Variants in KRCC1 observed in about 807,000 individuals in gnomAD.
KRCC1 encodes lysine rich coiled-coil 1, also known as lysine-rich coiled-coil protein 1.
A neutral mutation model predicts 7.4 loss-of-function variants in KRCC1; 3 were observed. The ratio of observed to expected loss-of-function variants is 0.40; its 90% CI spans 0.18 to 1.04. KRCC1 has a LOEUF of 1.04. Ranked by LOEUF, KRCC1 falls within the 50% of genes least tolerant of loss-of-function variation. The probability of loss-of-function intolerance (pLI) is 0.33; values close to 1 mark genes in which losing one functional copy is unlikely to be tolerated. For missense variants in KRCC1, 277 were observed against 300.9 expected, an observed-to-expected ratio of 0.92 and a Z score of 0.59; for synonymous variants, 102 against 101.6, an observed-to-expected ratio of 1.00 and a Z score of -0.02.
At chr2:88,044,857 T>G (rs1000268008) in intron 1 of KRCC1, among the ~76,000 whole-genome samples, 62 of 142,778 alleles carry the variant, frequency 4.3e-4, no homozygotes, top group Admixed American at 4.7e-4. Context: ...ACAAAGGAGT[T>G]TGATAATTTT....
chr2:88,054,299 G>T (rs1269480461), intron 1 of KRCC1, among the ~76,000 whole-genome samples: 3 of 152,158 alleles, frequency 2.0e-5, no homozygotes, highest in East Asian at 3.8e-4. Context: ...GGAAAAGCCA[G>T]GCTGTCAAAA....
At chr2:88,045,247 A>G (rs770396796) in intron 1 of KRCC1, among the ~76,000 whole-genome samples, 2 of 152,208 alleles carry the variant, frequency 1.3e-5, no homozygotes, top group Non-Finnish European at 2.9e-5. Context: ...TGTATTTGAC[A>G]TGAAAACATA....
chr2:88,041,201 A>G (rs934894207), intron 1 of KRCC1, among the ~76,000 whole-genome samples: 15 of 152,228 alleles, frequency 9.9e-5, no homozygotes, highest in African/African-American at 3.6e-4. Context: ...TAAAGGTGGA[A>G]TCAAAGGAAT....
At chr2:88,039,337 G>A (rs1157484721) in intron 1 of KRCC1, among the ~76,000 whole-genome samples, 1 of 152,090 alleles carries the variant, frequency 6.6e-6, no homozygotes, top group African/African-American at 2.4e-5. Flanking sequence ...AAAATATTAT[G>A]TGCTCAAGAT....
At chr2:88,039,342 C>T (rs1418755986) in intron 1 of KRCC1, among the ~76,000 whole-genome samples, 3 of 152,040 alleles carry the variant, frequency 2.0e-5, no homozygotes, top group African/African-American at 4.8e-5. Flanking sequence ...ATTATGTGCT[C>T]AAGATAATTA....
rs75456373 is a variant in KRCC1, at chr2:88,028,243, C to A, written c.321G>T (p.Thr107=). ...RLDSLSYCQF[T]RDCFSEKPVP... Reference sequence around the variant, plus strand: ...CTGGTTTTTCTGAGAAACAGTCCCTCGTGAACTGACAGTAGCTCAGAGAGT... The same window carrying A: ...CTGGTTTTTCTGAGAAACAGTCCCTAGTGAACTGACAGTAGCTCAGAGAGT... Residue 107 remains threonine (T), a synonymous_variant, in exon 4 of 4, where the codon ACG becomes ACT. Coordinates refer to ENST00000347055, the MANE Select transcript of KRCC1 (RefSeq NM_016618.3). 7.4e-6 allele frequency: 12 copies of A among 1,614,060 alleles called. No homozygotes were observed. The South Asian group carries it at 1.2e-4, about 16-fold the overall frequency.
intron 2 of KRCC1, among the ~76,000 whole-genome samples, chr2:88,035,057 A>G (rs769626082): frequency 1.3e-5 from 2 of 152,226 alleles, no homozygotes; most frequent in Non-Finnish European, 2.9e-5. Flanking sequence ...AAAGAACTAT[A>G]AATTGAAAAA....
intron 3 of KRCC1, among the ~76,000 whole-genome samples, chr2:88,033,092 G>A (rs975392765): frequency 2.7e-4 from 41 of 152,228 alleles, no homozygotes; most frequent in African/African-American, 8.2e-4. Context: ...TTTTTTGGGC[G>A]GTGATGGGTA....
intron 1 of KRCC1, among the ~76,000 whole-genome samples, chr2:88,055,023 G>C (rs568493835): frequency 6.6e-6 from 1 of 152,096 alleles, no homozygotes; most frequent in South Asian, 2.1e-4. Context: ...ATCAAGACGG[G>C]CCTATAAATC....
chr2:88,052,480 AT>A (rs1673513380), intron 1 of KRCC1, among the ~76,000 whole-genome samples: 1 of 152,180 alleles, frequency 6.6e-6, no homozygotes, highest in Non-Finnish European at 1.5e-5. Context: ...AAAGATAAAA[AT>A]TTCTTGAGGT....
At chr2:88,036,657 CATA>C (rs1673096711) in intron 2 of KRCC1, among the ~76,000 whole-genome samples, 1 of 152,110 alleles carries the variant, frequency 6.6e-6, no homozygotes, top group African/African-American at 2.4e-5. Flanking sequence ...GCTCAAGCTT[CATA>C]ATATCTTCCT....
rs1672930668 is a variant in KRCC1 at position 88,028,642 on chromosome 2, CTCT to C, written c.-22-60_-22-58del. On this transcript the variant is annotated intron_variant, in intron 3 of 3. Coordinates refer to ENST00000347055, the MANE Select transcript of KRCC1 (RefSeq NM_016618.3). ...CATCTTGTCCTGAGCATTTCCTTTG[CTCT>C]TTTTTTTTTTTTTTTTTTTCTTGAG... 32 of 682,074 alleles carry C rather than the reference CTCT, an allele frequency of 4.7e-5. No homozygotes were observed. In the East Asian group the frequency reaches 5.0e-4, roughly 11 times the overall value. 42.3% of individuals were successfully genotyped at this position (682,074 alleles called of 1,614,324 possible). A position where few individuals can be genotyped will look rare whatever the true frequency, so the allele number is the denominator to read the frequency against.
At chr2:88,030,743 G>A (rs1293410997) in intron 3 of KRCC1, among the ~76,000 whole-genome samples, 3 of 152,188 alleles carry the variant, frequency 2.0e-5, no homozygotes, top group Admixed American at 6.5e-5. Flanking sequence ...AGTTTCTTAA[G>A]AAGTTAAACA....
intron 3 of KRCC1, among the ~76,000 whole-genome samples, chr2:88,029,674 A>G (rs1672955082): frequency 6.6e-6 from 1 of 152,012 alleles, no homozygotes; most frequent in Non-Finnish European, 1.5e-5. Context: ...GAAGAGTTTC[A>G]GAAGAAACTT....
chr2:88,037,842 C>T (rs766899962), intron 1 of KRCC1, among the ~76,000 whole-genome samples: 4 of 152,206 alleles, frequency 2.6e-5, no homozygotes, highest in Non-Finnish European at 5.9e-5. Context: ...GCTTCTACAA[C>T]TTTTGCTGAA....
intron 3 of KRCC1, among the ~76,000 whole-genome samples, chr2:88,031,225 A>T (rs1672984834): frequency 2.0e-5 from 3 of 152,038 alleles, no homozygotes; most frequent in African/African-American, 7.2e-5. Flanking sequence ...GTGGGACAAG[A>T]TGTGGAGGGA....
At chr2:88,047,982 T>G (rs959437025) in intron 1 of KRCC1, among the ~76,000 whole-genome samples, 2 of 152,226 alleles carry the variant, frequency 1.3e-5, no homozygotes, top group African/African-American at 4.8e-5. Flanking sequence ...GACATGGTCC[T>G]AGACTTTTCA....
At chr2:88,048,151 C>T (rs932364474) in intron 1 of KRCC1, among the ~76,000 whole-genome samples, 1 of 149,266 alleles carries the variant, frequency 6.7e-6, no homozygotes, top group Non-Finnish European at 1.5e-5. Context: ...GGTGGGATCT[C>T]GGCTCACAGC....
At chr2:88,041,058 A>T (rs1243705236) in intron 1 of KRCC1, among the ~76,000 whole-genome samples, 1 of 152,252 alleles carries the variant, frequency 6.6e-6, no homozygotes, top group African/African-American at 2.4e-5. Flanking sequence ...TTAATTCTGC[A>T]GTCAATAGGG....
Sources: allele counts gnomAD v4.1 joint callset (sites outside exome capture counted in the v4.1 genomes callset), GRCh38; gene constraint gnomAD v4.1.1; transcripts MANE v1.5; gene names NCBI Gene and HGNC (gene_info 2026-07-23, HGNC 2026-07-21).